The following ASIC2 variants were observed in gnomAD, a reference collection of about 807,000 sequenced individuals.
ASIC2 encodes the protein acid sensing ion channel subunit 2, also known as acid-sensing ion channel 2.
ASIC2 carries 25 observed loss-of-function variants against 57.3 expected under a neutral mutation model. The ratio of observed to expected loss-of-function variants is 0.44; its 90% confidence interval spans 0.32 to 0.61. The LOEUF is 0.61. Among genes scored for constraint, ASIC2 ranks in the 20% least tolerant of loss-of-function variants. The pLI, the probability that ASIC2 is intolerant of heterozygous loss-of-function variation, is 0.06. For synonymous variants in ASIC2, 319 were observed against 307.5 expected (o/e 1.04, Z -0.39); for missense variants, 641 against 738.1 (o/e 0.87, Z 1.52).
chr17:33,180,867 C>T lies in ASIC2; in HGVS notation c.709-68800G>A, dbSNP rs1288146179. 2.6e-5 allele frequency among the ~76,000 whole-genome samples: 4 copies of T among 152,166 alleles called. No individual in the cohort carries two copies. The East Asian group carries it at 5.8e-4, about 22-fold the overall frequency. On this transcript the variant is annotated intron_variant, in intron 1 of 9. Transcript: ENST00000225823. ...TATGTTTCACTGGAAAGGTGGTGGCCCTACCAAGCAAGTCTGGTTGGTTCA... is the reference window on the plus strand; with the variant it reads ...TATGTTTCACTGGAAAGGTGGTGGCTCTACCAAGCAAGTCTGGTTGGTTCA...
intron 1 of ASIC2, among the ~76,000 whole-genome samples, chr17:33,799,309 C>T (rs1412530563): frequency 6.6e-6 from 1 of 151,422 alleles, no homozygotes. Context: ...CTTTCCCTCC[C>T]TCCCTGCCTT....
chr17:33,498,543 T>C (rs976909476), intron 1 of ASIC2, among the ~76,000 whole-genome samples: 2 of 152,040 alleles, frequency 1.3e-5, no homozygotes, highest in Non-Finnish European at 2.9e-5. Context: ...GACAAGCACT[T>C]GTGAGGAAAG....
Position 34,009,610 on chromosome 17 carries a change from G to T in ASIC2, c.555+146368C>A, listed in dbSNP as rs79894163. Among the ~76,000 whole-genome samples, 547 of 152,172 alleles carry T rather than the reference G, an allele frequency of 3.6e-3. 5 individuals carry two copies. Among genetic ancestry groups the T allele is most frequent in the African/African-American group, 0.013 (523 of 41,490 alleles). ...TAGAAAAATTTGAATCACATATGAG[G>T]CTCACATTATATTTCTATTAGACAG... is the stretch of plus-strand genomic sequence containing the variant. On this transcript the variant is annotated intron_variant, in intron 1 of 9. Coordinates refer to the ASIC2 transcript ENST00000359872.
chr17:33,851,920 A>G (rs1232472768), intron 1 of ASIC2, among the ~76,000 whole-genome samples: 1 of 152,220 alleles, frequency 6.6e-6, no homozygotes, highest in Non-Finnish European at 1.5e-5. Context: ...ACAAATGAGA[A>G]TCTTGTTGCT....
rs1312407007 is a variant in ASIC2, at chr17:33,770,746, T to C, written c.555+385232A>G. Among the ~76,000 whole-genome samples, 3 of 152,296 alleles carry C rather than the reference T, an allele frequency of 2.0e-5. No homozygotes were observed. In the East Asian group the frequency reaches 5.8e-4, roughly 29 times the overall value. On this transcript the variant is annotated intron_variant, in intron 1 of 9. Coordinates refer to the ASIC2 transcript ENST00000359872. ...TCGCTCTCCTTGGTTAGAATTGAAA[T>C]ACTTTATAGCATTAATGCTTTTCAG...
chr17:33,712,532 TG>T (rs1371576402), intron 1 of ASIC2, among the ~76,000 whole-genome samples: 1 of 151,838 alleles, frequency 6.6e-6, no homozygotes, highest in East Asian at 1.9e-4. Flanking sequence ...CTTCTGCCTC[TG>T]GGGTCTCCCA....
chr17:34,121,692 T>C (rs1165072869), intron 1 of ASIC2, among the ~76,000 whole-genome samples: 2 of 152,194 alleles, frequency 1.3e-5, no homozygotes, highest in East Asian at 1.9e-4. Flanking sequence ...AAGCTCAAGA[T>C]ACTTCATGAT....
chr17:33,216,508 A>G (rs1192722657), intron 1 of ASIC2, among the ~76,000 whole-genome samples: 1 of 152,198 alleles, frequency 6.6e-6, no homozygotes, highest in Non-Finnish European at 1.5e-5. Flanking sequence ...GTCCTGAATG[A>G]CGAGGAGGTG....
intron 1 of ASIC2, among the ~76,000 whole-genome samples, chr17:33,596,374 A>G (rs1211878812): frequency 6.6e-6 from 1 of 152,248 alleles, no homozygotes; most frequent in Non-Finnish European, 1.5e-5. Flanking sequence ...GGTGGGATTA[A>G]TTTAAATGCA....
intron 1 of ASIC2, among the ~76,000 whole-genome samples, chr17:34,122,401 A>C (rs1911650809): frequency 6.6e-6 from 1 of 152,220 alleles, no homozygotes; most frequent in Non-Finnish European, 1.5e-5. Flanking sequence ...AAAGTCTCGC[A>C]ATTAAAAGTT....
rs116670103 is a variant in ASIC2 at position 33,804,006 on chromosome 17, G to T, written c.555+351972C>A. On this transcript the variant is annotated intron_variant, in intron 1 of 9. Coordinates refer to the ASIC2 transcript ENST00000359872. ...TGTGCAAGTGATTTTTGTTAGGAAAGATCTAAAAATACCCACAGCAGCCTG... is the reference window on the plus strand; with the variant it reads ...TGTGCAAGTGATTTTTGTTAGGAAATATCTAAAAATACCCACAGCAGCCTG... Among the ~76,000 whole-genome samples, 528 of 152,180 alleles carry T rather than the reference G, an allele frequency of 3.5e-3. 4 individuals carry two copies. The highest frequency in any genetic ancestry group is 0.012 in the African/African-American group (505 of 41,506).
At chr17:33,579,148 T>C (rs368265431) in intron 1 of ASIC2, among the ~76,000 whole-genome samples, 20 of 151,992 alleles carry the variant, frequency 1.3e-4, no homozygotes, top group African/African-American at 4.6e-4. Flanking sequence ...TAGCCAGGCA[T>C]GATGGTGGGC....
At chr17:33,970,011 A>T (rs1165759375) in intron 1 of ASIC2, among the ~76,000 whole-genome samples, 2 of 152,124 alleles carry the variant, frequency 1.3e-5, no homozygotes, top group Non-Finnish European at 2.9e-5. Flanking sequence ...GGATCTAGCA[A>T]TGCAAAGTCT....
intron 1 of ASIC2, among the ~76,000 whole-genome samples, chr17:33,857,240 T>A (rs1382073153): frequency 2.6e-5 from 4 of 152,150 alleles, no homozygotes; most frequent in African/African-American, 9.7e-5. Context: ...TGACTAGAAC[T>A]CTAAACCCCA....
intron 1 of ASIC2, among the ~76,000 whole-genome samples, chr17:33,764,076 G>C (rs1026908675): frequency 6.6e-6 from 1 of 152,088 alleles, no homozygotes; most frequent in African/African-American, 2.4e-5. Flanking sequence ...GGCGGATCAC[G>C]AGGTCAGGAG....
chr17:33,557,788 T>C (rs994039574), intron 1 of ASIC2, among the ~76,000 whole-genome samples: 2 of 152,202 alleles, frequency 1.3e-5, no homozygotes, highest in Non-Finnish European at 1.5e-5. Flanking sequence ...CACTATATTA[T>C]ACTAAATATC....
intron 1 of ASIC2, among the ~76,000 whole-genome samples, chr17:33,356,663 G>A (rs1170720448): frequency 6.6e-6 from 1 of 152,144 alleles, no homozygotes; most frequent in Non-Finnish European, 1.5e-5. Flanking sequence ...GTATTCAAAT[G>A]AGGCCCCCAA....
intron 1 of ASIC2, among the ~76,000 whole-genome samples, chr17:34,126,946 A>G (rs779469428): frequency 3.9e-5 from 6 of 152,116 alleles, no homozygotes; most frequent in Non-Finnish European, 8.8e-5. Context: ...CAGGGAGCAC[A>G]AGCCTCTTCC....
chr17:34,136,551 A>C (rs1428167525), intron 1 of ASIC2, among the ~76,000 whole-genome samples: 1 of 152,224 alleles, frequency 6.6e-6, no homozygotes, highest in Admixed American at 6.5e-5. Context: ...TCAATTGCCA[A>C]TCAGAAAATC....
Sources: allele counts gnomAD v4.1 joint callset (sites outside exome capture counted in the v4.1 genomes callset), GRCh38; gene constraint gnomAD v4.1.1; transcripts MANE v1.5; gene names NCBI Gene and HGNC (gene_info 2026-07-23, HGNC 2026-07-21).